UGT2B11: variants seen among roughly 807,000 people sequenced by gnomAD.
UGT2B11 encodes the protein UDP-glucuronosyltransferase 2B11.
In UGT2B11, 49 loss-of-function variants were observed where a neutral mutation model predicts 51.7. The ratio of observed to expected loss-of-function variants is 0.95; its 90% confidence interval spans 0.75 to 1.20. The LOEUF (loss-of-function observed/expected upper bound fraction) is 1.20, where lower values mean the gene tolerates loss of function less well. Ranked by LOEUF, UGT2B11 falls within the 50% of genes most tolerant of loss-of-function variation. The pLI is 0.00. For synonymous variants in UGT2B11, 273 were observed against 209.0 expected (o/e 1.31, Z -2.64); for missense variants, 810 against 622.1 (o/e 1.30, Z -3.21).
rs1721589080 is a variant in UGT2B11 at position 69,199,980 on chromosome 4, G to T, written c.*460C>A. 6.5e-6 allele frequency: 1 copy of T among 153,890 alleles called. No individual in the cohort carries two copies. The highest frequency in any genetic ancestry group is 1.4e-5 in the Non-Finnish European group (1 of 69,520). 9.5% of individuals were successfully genotyped at this position (153,890 alleles called of 1,614,324 possible). On this transcript the variant is annotated 3_prime_UTR_variant, in exon 6 of 6. Coordinates refer to ENST00000446444, the MANE Select transcript of UGT2B11 (RefSeq NM_001073.3). Reference sequence around the variant, plus strand: ...ATTTAACTATGTAATAGTTTCTTTAGCAACAGTTAAAACAACAGAATCCTG... The same window carrying T: ...ATTTAACTATGTAATAGTTTCTTTATCAACAGTTAAAACAACAGAATCCTG...
rs779986620 is a variant in UGT2B11, at chr4:69,214,533, A to C, written c.190T>G (p.Phe64Val). The C allele has an allele frequency of 5.6e-6, 9 of 1,613,170 alleles. No individual in the cohort carries two copies. The Admixed American group carries it at 1.3e-4, about 24-fold the overall frequency. ...AGAGTGGATGCATCATTGGGATCAA[A>C]AAGAATGGAAGCTGAAGATGCCAGT... ...TVLASSASIL[F>V]DPNDASTLKF... The change falls in exon 1 of 6, where the codon TTT (phenylalanine) becomes GTT (valine). Residue 64 changes from phenylalanine to valine, a missense_variant. Coordinates refer to ENST00000446444, the MANE Select transcript of UGT2B11 (RefSeq NM_001073.3).
chr4:69,204,356 T>A lies in UGT2B11; in HGVS notation c.1310+74A>T, dbSNP rs1577960138. 28 of 1,579,750 alleles carry A rather than the reference T, an allele frequency of 1.8e-5. No homozygotes were observed. The East Asian group carries it at 6.3e-4, about 36-fold the overall frequency. On this transcript the variant is annotated intron_variant, in intron 5 of 5. Coordinates refer to ENST00000446444, the MANE Select transcript of UGT2B11 (RefSeq NM_001073.3). ...CAAGATTACTCTCTTATAAAAAGGA[T>A]GAAACTCATGCTCACTATTGACAAG... is the stretch of plus-strand genomic sequence containing the variant.
At chr4:69,203,423 A>G (rs1454077928) in intron 5 of UGT2B11, among the ~76,000 whole-genome samples, 1 of 151,750 alleles carries the variant, frequency 6.6e-6, no homozygotes, top group Non-Finnish European at 1.5e-5. Context: ...TGAATGCAAC[A>G]AGTACTTTGG....
chr4:69,204,873 G>A (rs1215058303), intron 4 of UGT2B11, among the ~76,000 whole-genome samples: 1 of 151,662 alleles, frequency 6.6e-6, no homozygotes, highest in Non-Finnish European at 1.5e-5. Context: ...ATTTTCAGTT[G>A]GACTAATGAA....
intron 5 of UGT2B11, among the ~76,000 whole-genome samples, chr4:69,201,714 T>C (rs1014061675): frequency 6.6e-6 from 1 of 151,826 alleles, no homozygotes; most frequent in Non-Finnish European, 1.5e-5. Flanking sequence ...TACTGGACAA[T>C]GATGGAGCCT....
chr4:69,222,364 T>G, the UGT2B11 span, among the ~76,000 whole-genome samples: 1 of 152,350 alleles, frequency 6.6e-6, no homozygotes, highest in East Asian at 1.9e-4. Context: ...GTTTTCCTCC[T>G]TTCCCTTTGT....
At chr4:69,211,659 T>C (rs62298953) in intron 2 of UGT2B11, among the ~76,000 whole-genome samples, 24,281 of 151,452 alleles carry the variant, frequency 0.16, 2,420 homozygotes, top group African/African-American at 0.27. Flanking sequence ...TTTCTGTAAA[T>C]GTGGGCCTAA....
rs747090575 is a variant in UGT2B11, at chr4:69,214,597, G to A, written c.126C>T (p.Ile42=). The part of the protein sequence containing the change: ...EYSHWMNMKT[I]LKELVQRGHE... Reference sequence around the variant, plus strand: ...GACCTCTCTGAACAAGCTCTTTCAGGATTGTCTTCATATTCATCCAATGGC... The same window carrying A: ...GACCTCTCTGAACAAGCTCTTTCAGAATTGTCTTCATATTCATCCAATGGC... The change falls in exon 1 of 6, where the codon ATC becomes ATT. Residue 42 remains isoleucine (I), a synonymous_variant. Transcript: ENST00000446444. The A allele has an allele frequency of 1.2e-6, 2 of 1,613,248 alleles. No homozygotes were observed. The highest frequency in any genetic ancestry group is 2.2e-5 in the East Asian group (1 of 44,834).
At chr4:69,206,472 G>A (rs1372192292) in intron 3 of UGT2B11, among the ~76,000 whole-genome samples, 2 of 151,430 alleles carry the variant, frequency 1.3e-5, no homozygotes, top group African/African-American at 2.4e-5. Flanking sequence ...GAGATGTATT[G>A]GAGGGTGGAG....
upstream of UGT2B11, among the ~76,000 whole-genome samples, chr4:69,219,604 T>A (rs192186593): frequency 5.1e-4 from 78 of 152,266 alleles, 2 homozygotes; most frequent in East Asian, 0.014. Context: ...TTGGGAGGCC[T>A]CGCAATGATG....
At chr4:69,202,778 T>G (rs957297864) in intron 5 of UGT2B11, among the ~76,000 whole-genome samples, 2 of 151,742 alleles carry the variant, frequency 1.3e-5, no homozygotes, top group African/African-American at 4.8e-5. Context: ...TCTTTTCTAT[T>G]TGTCCAAGGT....
At chr4:69,200,879 T>G (rs1424216863) in intron 5 of UGT2B11, among the ~76,000 whole-genome samples, 160 bp from the exon 6 acceptor site, 2 of 151,860 alleles carry the variant, frequency 1.3e-5, no homozygotes, top group African/African-American at 2.4e-5. Flanking sequence ...ATAGATAGTT[T>G]GGCTTTTAAA....
At chr4:69,207,676 C>G (rs1333167102) in intron 3 of UGT2B11, among the ~76,000 whole-genome samples, 1 of 151,602 alleles carries the variant, frequency 6.6e-6, no homozygotes, top group African/African-American at 2.4e-5. Context: ...CTTTCATCTT[C>G]CTGCTTCAGG....
In UGT2B11 at chr4:69,214,450, C is replaced by G. The variant is rs778338411; in HGVS notation, c.273G>C (p.Met91Ile). 1.6e-5 allele frequency: 26 copies of G among 1,613,084 alleles called. No homozygotes were observed. The South Asian group carries it at 2.7e-4, about 17-fold the overall frequency. Residue 91 changes from methionine to isoleucine, a missense_variant, in exon 1 of 6, where the codon ATG becomes ATC. By Grantham distance (10) the Met-to-Ile change is conservative. Transcript: ENST00000446444. ...TGTCTGACCATCTCTTAACCTGTTG[C>G]ATGATGATATTCTCAAATTCAGTTT... ...LTKTEFENIIMQQVKRWSDIR... is the reference protein window; with the variant it reads ...LTKTEFENIIIQQVKRWSDIR...
In UGT2B11 at chr4:69,214,315, A is replaced by C; in HGVS notation, c.408T>G (p.Val136=). ...ATCTTGACTCTTGTAGTTTTTTCAT[A>C]ACTTTCTTATTTGAAACTACATCTT... ...FCKDVVSNKK[V]MKKLQESRFD... Residue 136 remains valine (V), a synonymous_variant, in exon 1 of 6, where the codon GTT becomes GTG. Transcript: ENST00000446444. 1 of 1,613,220 alleles carries C rather than the reference A, an allele frequency of 6.2e-7. No individual in the cohort carries two copies. The highest frequency in any genetic ancestry group is 1.1e-5 in the South Asian group (1 of 91,044).
At chr4:69,212,015 C>G (rs541826953) in intron 2 of UGT2B11, among the ~76,000 whole-genome samples, 1 of 151,408 alleles carries the variant, frequency 6.6e-6, no homozygotes, top group Non-Finnish European at 1.5e-5. Flanking sequence ...GTCTGCCCCT[C>G]CCCTTCATTC....
At chr4:69,220,176 T>C in the UGT2B11 span, among the ~76,000 whole-genome samples, 36 of 152,278 alleles carry the variant, frequency 2.4e-4, no homozygotes, top group South Asian at 7.2e-3. Context: ...GGGACAGTCA[T>C]TGCCAAAATG....
At chr4:69,219,023 C>T (rs138993425), upstream of UGT2B11, among the ~76,000 whole-genome samples, 144 of 152,178 alleles carry the variant, frequency 9.5e-4, no homozygotes, top group African/African-American at 3.3e-3. Context: ...GGTAGAGAAC[C>T]AGCTGTAGTA....
intron 2 of UGT2B11, among the ~76,000 whole-genome samples, chr4:69,208,929 C>A (rs13148376): frequency 1.3e-5 from 2 of 151,528 alleles, no homozygotes; most frequent in African/African-American, 2.4e-5. Context: ...TAGTTTGAAG[C>A]CATTAGTGGT....
Sources: allele counts gnomAD v4.1 joint callset (sites outside exome capture counted in the v4.1 genomes callset), GRCh38; gene constraint gnomAD v4.1.1; transcripts MANE v1.5; gene names NCBI Gene and HGNC (gene_info 2026-07-23, HGNC 2026-07-21).